The following CACNA2D3 variants were observed in gnomAD, a reference collection of about 807,000 sequenced individuals.
CACNA2D3 encodes the protein calcium voltage-gated channel auxiliary subunit alpha2delta 3.
A neutral mutation model predicts 160.6 loss-of-function variants in CACNA2D3; 60 were observed. The ratio of observed to expected loss-of-function variants is 0.37; its 90% CI spans 0.30 to 0.46. The LOEUF is 0.46. Among genes scored for constraint, CACNA2D3 ranks in the 20% least tolerant of loss-of-function variants. The probability of loss-of-function intolerance (pLI) is 1.00; values close to 1 mark genes in which losing one functional copy is unlikely to be tolerated. For synonymous variants in CACNA2D3, 558 were observed against 492.9 expected, an observed-to-expected ratio of 1.13 and a Z score of -1.75; for missense variants, 1,205 against 1,365.0, an observed-to-expected ratio of 0.88 and a Z score of 1.85.
chr3:54,606,046 T>TG (rs1238618335), intron 9 of CACNA2D3, among the ~76,000 whole-genome samples: 7 of 152,180 alleles, frequency 4.6e-5, no homozygotes, highest in African/African-American at 1.7e-4. Flanking sequence ...TCCTTTTTCT[T>TG]TATTTGAAGG....
intron 2 of CACNA2D3, among the ~76,000 whole-genome samples, chr3:54,144,175 T>C (rs1171803384): frequency 6.6e-6 from 1 of 152,228 alleles, no homozygotes; most frequent in African/African-American, 2.4e-5. Context: ...CCCAACTGTA[T>C]CTTATGAGCA....
At chr3:54,918,065 G>C (rs1425263506) in intron 27 of CACNA2D3, among the ~76,000 whole-genome samples, 2 of 152,170 alleles carry the variant, frequency 1.3e-5, no homozygotes, top group Non-Finnish European at 2.9e-5. Context: ...CAGTTTTCCA[G>C]TGGACCATAA....
intron 4 of CACNA2D3, among the ~76,000 whole-genome samples, chr3:54,470,510 G>A (rs1056171098): frequency 6.6e-6 from 1 of 152,208 alleles, no homozygotes; most frequent in African/African-American, 2.4e-5. Flanking sequence ...TCAAGTCTAT[G>A]AAGAAACTGC....
intron 5 of CACNA2D3, among the ~76,000 whole-genome samples, chr3:54,504,659 T>C (rs974274029): frequency 6.6e-6 from 1 of 152,160 alleles, no homozygotes; most frequent in African/African-American, 2.4e-5. Flanking sequence ...TGTGCCACAT[T>C]GTCTCCCATC....
In CACNA2D3 at chr3:54,818,727, G is replaced by T. The variant is rs1451721424; in HGVS notation, c.1398+1857G>T. Among the ~76,000 whole-genome samples the T allele has an allele frequency of 3.9e-5, 6 of 152,176 alleles. No individual in the cohort carries two copies. In the East Asian group the frequency reaches 1.2e-3, roughly 29 times the overall value. The stretch of plus-strand genomic sequence containing the variant: ...TCCGAATGATGTCAGACATCCCAAG[G>T]GACTTGTTCTATAGCCCTATGTGAA... On this transcript the variant is annotated intron_variant, in intron 14 of 37. Coordinates refer to ENST00000474759, the MANE Select transcript of CACNA2D3 (RefSeq NM_018398.3).
chr3:54,521,901 T>A (rs577082950), intron 5 of CACNA2D3, among the ~76,000 whole-genome samples: 7 of 152,248 alleles, frequency 4.6e-5, no homozygotes, highest in Non-Finnish European at 1.0e-4. Flanking sequence ...TGGACTCTCA[T>A]GTCTATTGAT....
intron 4 of CACNA2D3, among the ~76,000 whole-genome samples, chr3:54,426,672 G>A (rs1227086295): frequency 6.6e-6 from 1 of 152,188 alleles, no homozygotes; most frequent in Non-Finnish European, 1.5e-5. Context: ...TGAAATGTGT[G>A]TGCCACAAAT....
At chr3:54,802,435 T>TAAGATG (rs1442264203) in intron 13 of CACNA2D3, among the ~76,000 whole-genome samples, 4 of 152,178 alleles carry the variant, frequency 2.6e-5, no homozygotes, top group Admixed American at 6.5e-5. Flanking sequence ...TGTAAGGAAA[T>TAAGATG]TTCATGCATA....
intron 2 of CACNA2D3, among the ~76,000 whole-genome samples, chr3:54,289,573 G>C (rs551165563): frequency 6.6e-6 from 1 of 151,980 alleles, no homozygotes; most frequent in Non-Finnish European, 1.5e-5. Flanking sequence ...AGTTCATATG[G>C]AACCAAAAAA....
At chr3:54,268,169 T>C (rs1702554938) in intron 2 of CACNA2D3, among the ~76,000 whole-genome samples, 1 of 152,202 alleles carries the variant, frequency 6.6e-6, no homozygotes, top group Non-Finnish European at 1.5e-5. Flanking sequence ...AAGCAGCTCA[T>C]ATGACAAATT....
At chr3:54,410,198 C>A (rs1699642284) in intron 4 of CACNA2D3, among the ~76,000 whole-genome samples, 3 of 151,700 alleles carry the variant, frequency 2.0e-5, no homozygotes, top group South Asian at 2.1e-4. Context: ...AAAATACACA[C>A]AAAAAAATAG....
At chr3:54,915,337 T>G (rs1378030384) in intron 27 of CACNA2D3, among the ~76,000 whole-genome samples, 5 of 152,216 alleles carry the variant, frequency 3.3e-5, no homozygotes, top group African/African-American at 1.2e-4. Flanking sequence ...TTATGATCCC[T>G]GGCAAGGCAA....
chr3:54,168,082 CT>C (rs1700493121), intron 2 of CACNA2D3, among the ~76,000 whole-genome samples: 1 of 151,966 alleles, frequency 6.6e-6, no homozygotes, highest in Non-Finnish European at 1.5e-5. Context: ...TCTTTCTTTC[CT>C]TTCCTATATT....
At chr3:54,894,469 T>C (rs1526595) in intron 25 of CACNA2D3, 307,859 of 435,022 alleles carry the variant, frequency 0.71, 110,244 homozygotes, top group East Asian at 0.88. Context: ...TGAATGTCAC[T>C]GCCTTAAGTG....
chr3:54,259,500 T>C (rs1460005161), intron 2 of CACNA2D3, among the ~76,000 whole-genome samples: 1 of 152,142 alleles, frequency 6.6e-6, no homozygotes, highest in East Asian at 1.9e-4. Context: ...GCCACACTGG[T>C]GAGATTTCAT....
intron 9 of CACNA2D3, among the ~76,000 whole-genome samples, chr3:54,614,705 G>A (rs1698812659): frequency 6.6e-6 from 1 of 152,102 alleles, no homozygotes; most frequent in East Asian, 1.9e-4. Context: ...TCTAGGTTAG[G>A]GGCAGAAGAT....
chr3:54,309,921 G>C (rs1162430554), intron 2 of CACNA2D3, among the ~76,000 whole-genome samples: 2 of 151,764 alleles, frequency 1.3e-5, no homozygotes, highest in African/African-American at 4.8e-5. Flanking sequence ...CATCCTCTCT[G>C]CTTCCTCTCT....
At chr3:54,363,342 A>G (rs1294014352) in intron 3 of CACNA2D3, among the ~76,000 whole-genome samples, 1 of 152,208 alleles carries the variant, frequency 6.6e-6, no homozygotes, top group Non-Finnish European at 1.5e-5. Context: ...TTATAGTGCA[A>G]GGTGTCCTGA....
At position 54,822,233 on chromosome 3, in the gene CACNA2D3, G is replaced by A. The variant is rs544927363; in HGVS notation, c.1398+5363G>A. On this transcript the variant is annotated intron_variant, in intron 14 of 37. Coordinates refer to ENST00000474759, the MANE Select transcript of CACNA2D3 (RefSeq NM_018398.3). ...TATACTCACAGTCTGAAAAATGATA[G>A]CAGCACAGTGGACTACAGTTTAAAT... 1.1e-4 allele frequency among the ~76,000 whole-genome samples: 16 copies of A among 152,284 alleles called. 1 individual carries two copies. Among genetic ancestry groups the A allele is most frequent in the Middle Eastern group, 3.4e-3 (1 of 294 alleles).
Sources: gnomAD v4.1 joint callset for allele counts (sites outside exome capture counted in the v4.1 genomes callset) on GRCh38, gnomAD v4.1.1 for gene constraint, MANE v1.5 for transcripts, NCBI Gene and HGNC (gene_info 2026-07-23, HGNC 2026-07-21) for gene names.